RAPGEF1: variants seen among roughly 807,000 people sequenced by gnomAD.
RAPGEF1 encodes Rap guanine nucleotide exchange factor 1.
A neutral mutation model predicts 143.3 loss-of-function variants in RAPGEF1; 33 were observed. The observed-to-expected ratio is 0.23, with a 90% CI of 0.17 to 0.31. The LOEUF (loss-of-function observed/expected upper bound fraction) is 0.31, where lower values mean the gene tolerates loss of function less well. RAPGEF1 is among the 10% of genes least tolerant of loss of function. The pLI, the probability that RAPGEF1 is intolerant of heterozygous loss-of-function variation, is 1.00. For synonymous variants in RAPGEF1, 629 were observed against 676.5 expected (o/e 0.93, Z 1.09); for missense variants, 1,199 against 1,645.4 (o/e 0.73, Z 4.69).
chr9:131,651,075 G>T lies in RAPGEF1; in HGVS notation c.62-126C>A, dbSNP rs140192242. ...TTCTTGGCTGTTGAGAGTTTCAAGGGAAAGGACGTATGGATCCATTACAAA... is the reference window on the plus strand; with the variant it reads ...TTCTTGGCTGTTGAGAGTTTCAAGGTAAAGGACGTATGGATCCATTACAAA... On this transcript the variant is annotated intron_variant, in intron 1 of 26. Transcript: ENST00000683357. The T allele has an allele frequency of 7.7e-4, 946 of 1,224,404 alleles. 7 individuals carry two copies. In the African/African-American group the frequency reaches 0.013, roughly 16 times the overall value. 75.8% of individuals were successfully genotyped at this position (1,224,404 alleles called of 1,614,324 possible).
chr9:131,716,665 C>A (rs911725881), intron 1 of RAPGEF1, among the ~76,000 whole-genome samples: 4 of 152,096 alleles, frequency 2.6e-5, no homozygotes, highest in African/African-American at 9.7e-5. Context: ...CACAGCTACT[C>A]GGGGGGCTGA....
chr9:131,724,342 TC>T (rs1274886697), intron 1 of RAPGEF1, among the ~76,000 whole-genome samples: 2 of 152,212 alleles, frequency 1.3e-5, no homozygotes, highest in African/African-American at 4.8e-5. Context: ...ACGCCTGTAA[TC>T]CCAGCACTTT....
At position 131,628,075 on chromosome 9, in the gene RAPGEF1, C is replaced by T. The variant is rs182027174; in HGVS notation, c.1039G>A (p.Ala347Thr). ...CTGCCTCCTGACAGTCGCCTCTGTG[C>T]GTAACAGTCAACATCAAAATCCTCA... ...NRQDFDVDCYAQRRLSGGSHS... is the reference protein window; with the variant it reads ...NRQDFDVDCYTQRRLSGGSHS... The change falls in exon 9 of 27, where the codon GCA becomes ACA. Residue 347 changes from alanine to threonine, a missense_variant. By Grantham distance (58) the Ala-to-Thr change is moderately conservative (BLOSUM62 0). Transcript: ENST00000683357. The surrounding 1 kb of genome is among the most constrained non-coding windows in gnomAD (Gnocchi z 5.7). 153 of 1,555,892 alleles carry T rather than the reference C, an allele frequency of 9.8e-5. 1 individual carries two copies. Among genetic ancestry groups the T allele is most frequent in the South Asian group, 5.9e-5 (5 of 84,586 alleles).
chr9:131,601,272 T>C (rs1956234111), intron 15 of RAPGEF1, among the ~76,000 whole-genome samples: 1 of 150,554 alleles, frequency 6.6e-6, no homozygotes, highest in Admixed American at 6.6e-5. Context: ...AATTAAGATA[T>C]ACAAGACATT....
chr9:131,722,213 G>A (rs1265945602), intron 1 of RAPGEF1, among the ~76,000 whole-genome samples: 5 of 152,134 alleles, frequency 3.3e-5, no homozygotes, highest in Non-Finnish European at 7.4e-5. Context: ...TCCAGGTGGC[G>A]CTCCCACTCA....
chr9:131,671,362 C>G (rs536278363), intron 1 of RAPGEF1, among the ~76,000 whole-genome samples: 1 of 152,358 alleles, frequency 6.6e-6, no homozygotes, highest in East Asian at 1.9e-4. Flanking sequence ...AAGCAGAGAT[C>G]GGTCTTTTCC....
intron 1 of RAPGEF1, among the ~76,000 whole-genome samples, chr9:131,716,441 A>G (rs942997978): frequency 2.0e-5 from 3 of 152,166 alleles, no homozygotes; most frequent in African/African-American, 7.2e-5. Context: ...ACTTGGTGGA[A>G]AGTCTAAATA....
At chr9:131,707,597 C>T (rs568583017) in intron 1 of RAPGEF1, among the ~76,000 whole-genome samples, 2 of 152,068 alleles carry the variant, frequency 1.3e-5, no homozygotes, top group African/African-American at 4.8e-5. Context: ...TGCACCAGCA[C>T]GCCTGGCTAA....
At chr9:131,622,990 A>G (rs1377806702) in intron 10 of RAPGEF1, among the ~76,000 whole-genome samples, 1 of 151,310 alleles carries the variant, frequency 6.6e-6, no homozygotes. Context: ...CTGGTCTTGA[A>G]CTCCTGAACT....
chr9:131,582,029 CT>C (rs1951937501), intron 25 of RAPGEF1, among the ~76,000 whole-genome samples: 1 of 152,204 alleles, frequency 6.6e-6, no homozygotes, highest in Non-Finnish European at 1.5e-5. Context: ...ACTAAAGGCT[CT>C]CGTAAGTCCT....
At chr9:131,661,611 AT>A (rs1290844826) in intron 1 of RAPGEF1, among the ~76,000 whole-genome samples, 2 of 152,218 alleles carry the variant, frequency 1.3e-5, no homozygotes, top group Non-Finnish European at 2.9e-5. Context: ...AAAAGGTGAA[AT>A]AACCCAGATA....
At chr9:131,660,219 T>C (rs1335046058) in intron 1 of RAPGEF1, among the ~76,000 whole-genome samples, 1 of 152,184 alleles carries the variant, frequency 6.6e-6, no homozygotes, top group Non-Finnish European at 1.5e-5. Context: ...TATTTGAAGT[T>C]TTGCAATTCC....
intron 1 of RAPGEF1, among the ~76,000 whole-genome samples, chr9:131,666,544 G>A (rs537594397): frequency 2.6e-5 from 4 of 152,026 alleles, no homozygotes; most frequent in South Asian, 2.1e-4. Context: ...CTGCTACCAC[G>A]CCTGGCTAAT....
chr9:131,603,784 C>A (rs888505913), intron 14 of RAPGEF1, among the ~76,000 whole-genome samples, 177 bp downstream of exon 14: 4 of 152,348 alleles, frequency 2.6e-5, no homozygotes. Flanking sequence ...ACCTGGAAGC[C>A]ACGTCCTCTC....
Position 131,596,359 on chromosome 9 carries a change from C to T in RAPGEF1, c.2628G>A (p.Pro876=), listed in dbSNP as rs376059393. Reference sequence around the variant, plus strand: ...TGTCCCCAGATCCTCCGCGGACGTCCGGCCCGTCATCACCCTGTAATGAAC... The same window carrying T: ...TGTCCCCAGATCCTCCGCGGACGTCTGGCCCGTCATCACCCTGTAATGAAC... ...LTLKQEGDDG[P]DVRGGSGDIL... Residue 876 remains proline (P), a synonymous_variant, in exon 17 of 27, where the codon CCG becomes CCA. Transcript: ENST00000683357. 1.1e-5 allele frequency: 18 copies of T among 1,613,854 alleles called. No individual in the cohort carries two copies. The highest frequency in any genetic ancestry group is 3.3e-5 in the South Asian group (3 of 91,078).
intron 11 of RAPGEF1, among the ~76,000 whole-genome samples, chr9:131,619,499 G>A (rs1368974008): frequency 1.3e-5 from 2 of 152,240 alleles, no homozygotes; most frequent in Admixed American, 6.5e-5. Flanking sequence ...GAACTGGGCT[G>A]ACTCTGGGCT....
intron 12 of RAPGEF1, among the ~76,000 whole-genome samples, chr9:131,615,636 T>C (rs929815454): frequency 5.5e-4 from 84 of 152,274 alleles, no homozygotes; most frequent in African/African-American, 1.9e-3. Flanking sequence ...GGGCTGGCTG[T>C]CATCATTCCC....
chr9:131,712,578 C>T (rs1835585418), intron 1 of RAPGEF1, among the ~76,000 whole-genome samples: 1 of 152,184 alleles, frequency 6.6e-6, no homozygotes, highest in Admixed American at 6.5e-5. Context: ...GTGTCTGGGG[C>T]AGCTCCTCCT....
intron 1 of RAPGEF1, among the ~76,000 whole-genome samples, chr9:131,703,282 G>A (rs533112210): frequency 3.3e-5 from 5 of 152,188 alleles, no homozygotes; most frequent in African/African-American, 4.8e-5. Flanking sequence ...TTATAGGTGT[G>A]AGCCATCATG....
Sources: allele counts gnomAD v4.1 joint callset (sites outside exome capture counted in the v4.1 genomes callset), GRCh38; gene constraint gnomAD v4.1.1; non-coding constraint Gnocchi (gnomAD v3.1); transcripts MANE v1.5; gene names NCBI Gene and HGNC (gene_info 2026-07-23, HGNC 2026-07-21).